UBR3: variants seen among roughly 807,000 people sequenced by gnomAD.
UBR3 encodes ubiquitin protein ligase E3 component n-recognin 3, also known as E3 ubiquitin-protein ligase UBR3.
In UBR3, 85 loss-of-function variants were observed where a neutral mutation model predicts 243.2. The observed-to-expected ratio is 0.35, with a 90% CI of 0.29 to 0.42. The LOEUF (loss-of-function observed/expected upper bound fraction) is 0.42. Among genes scored for constraint, UBR3 ranks in the 10% least tolerant of loss-of-function variants. UBR3 has a pLI of 1.00. For missense variants in UBR3, 1,686 were observed against 2,300.8 expected (o/e 0.73, Z 5.47); for synonymous variants, 748 against 799.8 (o/e 0.94, Z 1.09).
At chr2:170,076,468 C>G (rs1255413201) in intron 36 of UBR3, among the ~76,000 whole-genome samples, 1 of 152,184 alleles carries the variant, frequency 6.6e-6, no homozygotes, top group Non-Finnish European at 1.5e-5. Context: ...CTTACATCAT[C>G]AGGCCTCTCT....
intron 1 of UBR3, among the ~76,000 whole-genome samples, chr2:169,831,137 T>A (rs1406661402): frequency 0.036 from 3,210 of 89,320 alleles, 139 homozygotes; most frequent in Non-Finnish European, 0.051. Flanking sequence ...ATTTTTTTTT[T>A]TTTTTTTTTT....
At chr2:169,851,781 T>A (rs541502888) in intron 1 of UBR3, among the ~76,000 whole-genome samples, 2 of 146,876 alleles carry the variant, frequency 1.4e-5, no homozygotes, top group African/African-American at 5.1e-5. Context: ...GAGGTTGCAG[T>A]GAGCTGAGAT....
intron 25 of UBR3, among the ~76,000 whole-genome samples, chr2:169,989,510 A>G (rs561281721): frequency 1.3e-5 from 2 of 152,308 alleles, no homozygotes; most frequent in South Asian, 4.1e-4. Context: ...ATTAGTAGGA[A>G]GTGATGATTA....
intron 10 of UBR3, among the ~76,000 whole-genome samples, chr2:169,910,797 C>T (rs1467063930): frequency 6.6e-6 from 1 of 152,084 alleles, no homozygotes; most frequent in East Asian, 1.9e-4. Context: ...GTTCACATAG[C>T]TATAAGTAGA....
chr2:169,877,666 TG>T, intron 4 of UBR3, 29 bp downstream of exon 4: 1 of 1,517,956 alleles, frequency 6.6e-7, no homozygotes, highest in Non-Finnish European at 8.8e-7. Flanking sequence ...TTTGAACAGT[TG>T]TAACTTTTCT....
At chr2:169,956,153 GAGTA>G (rs2087277586) in intron 23 of UBR3, among the ~76,000 whole-genome samples, 1 of 151,754 alleles carries the variant, frequency 6.6e-6, no homozygotes, top group Admixed American at 6.6e-5. Context: ...TCAGTTTCCA[GAGTA>G]ACTCTGTAAC....
At position 169,877,603 on chromosome 2, in the gene UBR3, G is replaced by A. The variant is rs1411999228; in HGVS notation, c.954G>A (p.Glu318=). The change falls in exon 4 of 39, where the codon GAG becomes GAA. Residue 318 remains glutamate, a synonymous_variant. Coordinates refer to ENST00000272793, the MANE Select transcript of UBR3 (RefSeq NM_172070.4). The part of the protein sequence containing the change: ...PEDKLVYGVQ[E]PSAGTSSLAV... ...ATAAGCTTGTATATGGTGTGCAGGA[G>A]CCATCTGCTGGTACTAGTTCTCTGG... The A allele has an allele frequency of 6.5e-7, 1 of 1,547,994 alleles. No individual in the cohort carries two copies. The highest frequency in any genetic ancestry group is 8.7e-7 in the Non-Finnish European group (1 of 1,146,274).
chr2:169,836,264 A>G (rs1186758714), intron 1 of UBR3, among the ~76,000 whole-genome samples: 1 of 150,172 alleles, frequency 6.7e-6, no homozygotes, highest in African/African-American at 2.5e-5. Flanking sequence ...TCATATTTTT[A>G]GTAGAGATGG....
At chr2:169,932,019 C>G (rs2086151577) in intron 18 of UBR3, among the ~76,000 whole-genome samples, 1 of 151,592 alleles carries the variant, frequency 6.6e-6, no homozygotes, top group Non-Finnish European at 1.5e-5. Flanking sequence ...AGCAGAAAAT[C>G]TTTTATAAAC....
At chr2:169,836,063 ATATATT>A (rs1558999059) in intron 1 of UBR3, among the ~76,000 whole-genome samples, 13 of 26,614 alleles carry the variant, frequency 4.9e-4, no homozygotes, top group South Asian at 2.0e-3. Flanking sequence ...ATATATATAT[ATATATT>A]TTTTTTTTTT....
intron 36 of UBR3, chr2:170,078,200 G>T: frequency 1.9e-6 from 1 of 522,438 alleles, no homozygotes; most frequent in Non-Finnish European, 3.6e-6. Flanking sequence ...ATGTTCATAA[G>T]CCTCTCAACT....
At chr2:170,057,408 C>CT (rs1455462316) in intron 33 of UBR3, among the ~76,000 whole-genome samples, 1 of 152,142 alleles carries the variant, frequency 6.6e-6, no homozygotes, top group Non-Finnish European at 1.5e-5. Context: ...CATGAGCCAC[C>CT]TTGCCTGGCC....
chr2:169,890,640 G>A (rs1444041146), intron 5 of UBR3, among the ~76,000 whole-genome samples: 1 of 133,704 alleles, frequency 7.5e-6, no homozygotes, highest in African/African-American at 2.8e-5. Context: ...TTCCTTTTTG[G>A]ATTTTTTTTC....
rs2091914636 is a variant in UBR3 at position 170,081,922 on chromosome 2, G to T, written c.*79G>T. On this transcript the variant is annotated 3_prime_UTR_variant, in exon 39 of 39. Transcript: ENST00000272793. ...CAACAATAAGCTTTAACTTAATTTGGGGGATTAACACTTTTGCTGAGGGAG... is the reference window on the plus strand; with the variant it reads ...CAACAATAAGCTTTAACTTAATTTGTGGGATTAACACTTTTGCTGAGGGAG... 3 of 1,041,186 alleles carry T rather than the reference G, an allele frequency of 2.9e-6. No homozygotes were observed. In the Admixed American group the frequency reaches 8.0e-5, roughly 28 times the overall value. The allele number at this position is 1,041,186 out of a possible 1,614,324, so 64.5% of individuals were successfully genotyped here. A position where few individuals can be genotyped will look rare whatever the true frequency, so the allele number is the denominator to read the frequency against.
chr2:169,827,709 G>T lies in UBR3; in HGVS notation c.202G>T (p.Ala68Ser). The change falls in exon 1 of 39, where the codon GCT (alanine) becomes TCT (serine). Residue 68 changes from alanine to serine, a missense_variant. Ala to Ser is a moderately conservative substitution (Grantham distance 99). Coordinates refer to ENST00000272793, the MANE Select transcript of UBR3 (RefSeq NM_172070.4). ...VLSAERPLAAAAGGEDAAAAG... is the reference protein window; with the variant it reads ...VLSAERPLAASAGGEDAAAAG... ...GAGCGCCGAGCGGCCGCTGGCCGCG[G>T]CTGCCGGCGGCGAGGACGCGGCGGC... is the stretch of plus-strand genomic sequence containing the variant. 2 of 1,223,370 alleles carry T rather than the reference G, an allele frequency of 1.6e-6. No individual in the cohort carries two copies. Among genetic ancestry groups the T allele is most frequent in the Admixed American group, 4.4e-5 (1 of 22,900 alleles). 75.8% of individuals were successfully genotyped at this position (1,223,370 alleles called of 1,614,324 possible).
rs531339628 is a variant in UBR3, at chr2:169,889,564, T to C, written c.1039-1601T>C. ...TCTATCTTTTAAGGCTTCATATTTC[T>C]TTCTGGTGAATTTCTCCAGTGGCAA... On this transcript the variant is annotated intron_variant, in intron 5 of 38. Coordinates refer to ENST00000272793, the MANE Select transcript of UBR3 (RefSeq NM_172070.4). Among the ~76,000 whole-genome samples, 29 of 152,310 alleles carry C rather than the reference T, an allele frequency of 1.9e-4. 1 individual carries two copies. The South Asian group carries it at 5.8e-3, about 30-fold the overall frequency.
intron 7 of UBR3, among the ~76,000 whole-genome samples, chr2:169,896,001 G>T (rs530248215): frequency 1.3e-5 from 2 of 152,002 alleles, no homozygotes; most frequent in Non-Finnish European, 2.9e-5. Context: ...GGAAATAAGA[G>T]TAAAAATAAA....
intron 6 of UBR3, among the ~76,000 whole-genome samples, chr2:169,892,206 A>C (rs1237532202): frequency 6.6e-6 from 1 of 152,214 alleles, no homozygotes; most frequent in Non-Finnish European, 1.5e-5. Flanking sequence ...GGATGCACAC[A>C]TACAGGTATG....
At chr2:169,936,150 C>T (rs903823780) in intron 19 of UBR3, among the ~76,000 whole-genome samples, 1 of 152,052 alleles carries the variant, frequency 6.6e-6, no homozygotes, top group Admixed American at 6.6e-5. Context: ...ACCTCTGCCT[C>T]CCGGATTCAA....
Sources: gnomAD v4.1 joint callset for allele counts (sites outside exome capture counted in the v4.1 genomes callset) on GRCh38, gnomAD v4.1.1 for gene constraint, MANE v1.5 for transcripts, NCBI Gene and HGNC (gene_info 2026-07-23, HGNC 2026-07-21) for gene names.